Variants in XYLT1 observed in about 807,000 individuals in gnomAD.
XYLT1 encodes xylosyltransferase 1, also known as beta-D-xylosyltransferase 1.
A neutral mutation model predicts 91.3 loss-of-function variants in XYLT1; 36 were observed. The observed-to-expected ratio is 0.39, with a 90% CI of 0.30 to 0.52. The LOEUF (loss-of-function observed/expected upper bound fraction) is 0.52. Among genes scored for constraint, XYLT1 ranks in the 20% least tolerant of loss-of-function variants. The pLI, the probability that XYLT1 is intolerant of heterozygous loss-of-function variation, is 0.68. For synonymous variants in XYLT1, 588 were observed against 532.0 expected (o/e 1.11, Z -1.45); for missense variants, 1,242 against 1,284.5 (o/e 0.97, Z 0.51).
chr16:17,318,998 G>A (rs567183420), intron 2 of XYLT1, among the ~76,000 whole-genome samples: 39 of 152,062 alleles, frequency 2.6e-4, no homozygotes, highest in African/African-American at 9.2e-4. Context: ...ATGTTGGCCT[G>A]GCTGGTCTCA....
At chr16:17,294,902 G>T (rs1276326573) in intron 2 of XYLT1, among the ~76,000 whole-genome samples, 1 of 152,118 alleles carries the variant, frequency 6.6e-6, no homozygotes, top group Non-Finnish European at 1.5e-5. Context: ...ACATCCAAGG[G>T]CTTGGGAGGC....
intron 1 of XYLT1, among the ~76,000 whole-genome samples, chr16:17,453,672 C>T (rs1030929825): frequency 2.6e-5 from 4 of 152,210 alleles, no homozygotes; most frequent in Non-Finnish European, 5.9e-5. Context: ...TAAAATGACA[C>T]ACGCTACTGC....
chr16:17,390,227 G>T (rs1406777012), intron 1 of XYLT1, among the ~76,000 whole-genome samples: 1 of 152,132 alleles, frequency 6.6e-6, no homozygotes, highest in Non-Finnish European at 1.5e-5. Context: ...AACCAAAAGA[G>T]AACAAATTCC....
At chr16:17,338,704 C>G (rs2035024806) in intron 2 of XYLT1, 1 of 357,978 alleles carries the variant, frequency 2.8e-6, no homozygotes, top group Non-Finnish European at 5.5e-6. Context: ...CCCGTCTCAG[C>G]TTCCAAAGTA....
intron 2 of XYLT1, among the ~76,000 whole-genome samples, chr16:17,349,281 T>C (rs928066843): frequency 6.6e-6 from 1 of 152,232 alleles, no homozygotes; most frequent in Non-Finnish European, 1.5e-5. Context: ...CTAATACATA[T>C]CAAATCTCTG....
chr16:17,204,245 C>G (rs552250455), intron 3 of XYLT1, among the ~76,000 whole-genome samples: 13 of 152,344 alleles, frequency 8.5e-5, no homozygotes, highest in Admixed American at 6.5e-4. Context: ...TACAACTTCT[C>G]TTTAGAGTTT....
chr16:17,215,291 C>T (rs58019323), intron 3 of XYLT1, among the ~76,000 whole-genome samples: 183 of 152,274 alleles, frequency 1.2e-3, no homozygotes, highest in African/African-American at 4.0e-3. Context: ...AGGAGGCAGA[C>T]GTTGCACCAC....
chr16:17,351,053 A>C (rs1319812445), intron 2 of XYLT1, among the ~76,000 whole-genome samples: 1 of 152,194 alleles, frequency 6.6e-6, no homozygotes, highest in Non-Finnish European at 1.5e-5. Flanking sequence ...CATTCTTTGC[A>C]CTAGTAAGCC....
chr16:17,338,033 GC>G (rs1489539472), intron 2 of XYLT1: 1 of 369,380 alleles, frequency 2.7e-6, no homozygotes, highest in Non-Finnish European at 5.4e-6. Flanking sequence ...CTCCCAAAGT[GC>G]TGGGATTATA....
At position 17,102,424 on chromosome 16, in the gene XYLT1, C is replaced by T. The variant is rs911852830; in HGVS notation, c.*6271G>A. On this transcript the variant is annotated 3_prime_UTR_variant, in exon 12 of 12. Coordinates refer to ENST00000261381, the MANE Select transcript of XYLT1 (RefSeq NM_022166.4). The stretch of plus-strand genomic sequence containing the variant: ...CACCTGCAGTGTTTTTGGTATGATA[C>T]AGTATTTAATACATCCACTGTTTTC... 1 of 152,500 alleles carries T rather than the reference C, an allele frequency of 6.6e-6. No homozygotes were observed. The highest frequency in any genetic ancestry group is 1.5e-5 in the Non-Finnish European group (1 of 68,008). The allele number at this position is 152,500 out of a possible 1,614,324, so 9.4% of individuals were successfully genotyped here.
chr16:17,184,330 G>C (rs568430490), intron 5 of XYLT1, among the ~76,000 whole-genome samples: 8 of 152,116 alleles, frequency 5.3e-5, no homozygotes, highest in Admixed American at 5.2e-4. Flanking sequence ...GAGAGGGAGG[G>C]ATTCGGAAGA....
intron 1 of XYLT1, among the ~76,000 whole-genome samples, chr16:17,407,223 T>A (rs12446686): frequency 2.0e-5 from 3 of 152,166 alleles, no homozygotes; most frequent in South Asian, 4.1e-4. Context: ...AGTCTTGAAC[T>A]CCTGGCCTCA....
Position 17,318,214 on chromosome 16 carries a change from A to C in XYLT1, c.402+39798T>G, listed in dbSNP as rs543328634. Among the ~76,000 whole-genome samples, 3 of 152,330 alleles carry C rather than the reference A, an allele frequency of 2.0e-5. No individual in the cohort carries two copies. The South Asian group carries it at 6.2e-4, about 32-fold the overall frequency. On this transcript the variant is annotated intron_variant, in intron 2 of 11. Coordinates refer to ENST00000261381, the MANE Select transcript of XYLT1 (RefSeq NM_022166.4). ...GAATAAATACTCAAGGAAGAAATGA[A>C]AGAGAGAATGGGAACTGGACCCTGG...
chr16:17,306,557 G>GATATATATATATATATATATATAT (rs35971345), intron 2 of XYLT1, among the ~76,000 whole-genome samples: 1 of 146,472 alleles, frequency 6.8e-6, no homozygotes, highest in East Asian at 2.0e-4. Flanking sequence ...TGTCACAAAA[G>GATATATATATATATATATATATAT]ATATATATAT....
At chr16:17,297,151 C>T (rs2034323701) in intron 2 of XYLT1, among the ~76,000 whole-genome samples, 1 of 152,192 alleles carries the variant, frequency 6.6e-6, no homozygotes, top group Non-Finnish European at 1.5e-5. Flanking sequence ...GGATAAAGCA[C>T]TTGCTTGAGT....
At chr16:17,173,027 T>C (rs956474884) in intron 5 of XYLT1, among the ~76,000 whole-genome samples, 9 of 146,544 alleles carry the variant, frequency 6.1e-5, no homozygotes, top group African/African-American at 2.0e-4. Flanking sequence ...ACTGATACAG[T>C]GCTTTACTAA....
chr16:17,195,222 A>T (rs1266977533), intron 5 of XYLT1, among the ~76,000 whole-genome samples: 2 of 152,138 alleles, frequency 1.3e-5, no homozygotes, highest in Non-Finnish European at 2.9e-5. Flanking sequence ...AATGCACAGG[A>T]TGGCACCCAC....
chr16:17,109,522 C>A (rs1966825284), intron 11 of XYLT1, among the ~76,000 whole-genome samples: 1 of 152,046 alleles, frequency 6.6e-6, no homozygotes, highest in Non-Finnish European at 1.5e-5. Context: ...TTATTTCAGG[C>A]AGTGATAAGT....
At chr16:17,397,963 C>G (rs2035911415) in intron 1 of XYLT1, among the ~76,000 whole-genome samples, 1 of 151,514 alleles carries the variant, frequency 6.6e-6, no homozygotes, top group African/African-American at 2.4e-5. Context: ...GCTGGGATTA[C>G]AGGCATGCAC....
Sources: gnomAD v4.1 joint callset for allele counts (sites outside exome capture counted in the v4.1 genomes callset) on GRCh38, gnomAD v4.1.1 for gene constraint, MANE v1.5 for transcripts, NCBI Gene and HGNC (gene_info 2026-07-23, HGNC 2026-07-21) for gene names.